DLG1: variants seen among roughly 807,000 people sequenced by gnomAD.
The protein encoded by DLG1 is discs large MAGUK scaffold protein 1, also known as disks large homolog 1.
DLG1 carries 42 observed loss-of-function variants against 123.4 expected under a neutral mutation model. The observed-to-expected ratio is 0.34, with a 90% CI of 0.27 to 0.44. The LOEUF is 0.44. DLG1 is among the 20% of genes least tolerant of loss of function. The probability of loss-of-function intolerance (pLI) is 1.00; values close to 1 mark genes in which losing one functional copy is unlikely to be tolerated. For synonymous variants in DLG1, 317 were observed against 356.2 expected, an observed-to-expected ratio of 0.89 and a Z score of 1.24; for missense variants, 942 against 1,082.6, an observed-to-expected ratio of 0.87 and a Z score of 1.82.
At chr3:197,074,318 A>C (rs1745891225) in intron 18 of DLG1, among the ~76,000 whole-genome samples, 1 of 152,130 alleles carries the variant, frequency 6.6e-6, no homozygotes, top group South Asian at 2.1e-4. Flanking sequence ...CTTTTTCTGA[A>C]TAACGTCGTC....
intron 4 of DLG1, among the ~76,000 whole-genome samples, chr3:197,251,354 A>C (rs1754368550): frequency 1.3e-5 from 2 of 152,240 alleles, no homozygotes; most frequent in Non-Finnish European, 2.9e-5. Flanking sequence ...GGTCAAGGCA[A>C]AGAACAAAGC....
chr3:197,183,526 A>C, intron 5 of DLG1: 3 of 1,495,522 alleles, frequency 2.0e-6, no homozygotes, highest in Non-Finnish European at 2.7e-6. Flanking sequence ...TTACAGAGCA[A>C]ACGTAAACAG....
intron 13 of DLG1, among the ~76,000 whole-genome samples, chr3:197,113,158 T>C (rs567202950): frequency 9.8e-5 from 15 of 152,338 alleles, no homozygotes; most frequent in African/African-American, 2.9e-4. Context: ...CCCTTCTCTA[T>C]TGAACTGACT....
chr3:197,161,576 G>T, intron 5 of DLG1: 2 of 1,012,878 alleles, frequency 2.0e-6, no homozygotes, highest in Non-Finnish European at 2.7e-6. Flanking sequence ...TTTTAAAAAA[G>T]AACACAAATG....
intron 13 of DLG1, among the ~76,000 whole-genome samples, chr3:197,115,336 TAAG>T (rs1772621410): frequency 6.9e-6 from 1 of 145,450 alleles, no homozygotes; most frequent in African/African-American, 2.5e-5. Context: ...AAATTGAAAG[TAAG>T]AAGAGGAGAA....
intron 13 of DLG1, among the ~76,000 whole-genome samples, chr3:197,108,115 G>T (rs1767654364): frequency 6.6e-6 from 1 of 152,070 alleles, no homozygotes; most frequent in Admixed American, 6.6e-5. Flanking sequence ...ACTTTGATTG[G>T]TTTTTCTATG....
chr3:197,130,575 T>C lies in DLG1; in HGVS notation c.1117A>G (p.Thr373Ala), dbSNP rs777723301. Residue 373 changes from threonine to alanine, a missense_variant, in exon 11 of 25, where the codon ACA (threonine) becomes GCA (alanine). Thr to Ala is a moderately conservative substitution (Grantham distance 58, BLOSUM62 0). Transcript: ENST00000667157. ...DFVYLKVAKP[T>A]SMYMNDGYAP... The stretch of plus-strand genomic sequence containing the variant: ...TAGCCATCATTCATATACATACTTG[T>C]GGGTTTTGCCACTTTCAAATAAACA... 61 of 1,612,906 alleles carry C rather than the reference T, an allele frequency of 3.8e-5. No individual in the cohort carries two copies. The South Asian group carries it at 5.9e-4, about 16-fold the overall frequency.
chr3:197,144,532 C>G (rs1390839757), intron 6 of DLG1, among the ~76,000 whole-genome samples: 1 of 152,166 alleles, frequency 6.6e-6, no homozygotes, highest in Non-Finnish European at 1.5e-5. Context: ...TTTTAAGCCC[C>G]TAAGCTTCAG....
At chr3:197,158,133 A>G (rs914500198) in intron 5 of DLG1, among the ~76,000 whole-genome samples, 2 of 152,208 alleles carry the variant, frequency 1.3e-5, no homozygotes, top group African/African-American at 4.8e-5. Flanking sequence ...AGGAACTCAT[A>G]CAGACATTTT....
rs1211235082 is a variant in DLG1 at position 197,210,031 on chromosome 3, T to C, written c.319-15442A>G. The stretch of plus-strand genomic sequence containing the variant: ...GGACTTTTATCTCTCCCATGGCTGA[T>C]TTTAATCTGTATCCTTTCAAGTAAT... On this transcript the variant is annotated intron_variant, in intron 4 of 24. Coordinates refer to ENST00000667157, the MANE Select transcript of DLG1 (RefSeq NM_001366207.1). 2.0e-5 allele frequency among the ~76,000 whole-genome samples: 3 copies of C among 146,530 alleles called. 1 individual carries two copies. In the East Asian group the frequency reaches 5.9e-4, roughly 29 times the overall value.
intron 14 of DLG1, 28 bp from the exon 15 acceptor site, chr3:197,091,054 G>T: frequency 6.9e-7 from 1 of 1,441,992 alleles, no homozygotes; most frequent in Non-Finnish European, 9.7e-7. Flanking sequence ...GAAATAAATT[G>T]ATATATTTTC....
At chr3:197,164,321 T>C (rs1301154006) in intron 5 of DLG1, among the ~76,000 whole-genome samples, 2 of 151,852 alleles carry the variant, frequency 1.3e-5, no homozygotes, top group African/African-American at 4.8e-5. Context: ...TGCTAGAGCC[T>C]GGAAGGTGGA....
At chr3:197,048,945 C>A (rs117599065) in intron 24 of DLG1, among the ~76,000 whole-genome samples, 1 of 152,220 alleles carries the variant, frequency 6.6e-6, no homozygotes, top group Non-Finnish European at 1.5e-5. Context: ...GCATGAACCA[C>A]TGTGCCCAGC....
At chr3:197,194,266 AC>A (rs1449295041) in intron 5 of DLG1, 158 bp downstream of exon 5, 5 of 397,640 alleles carry the variant, frequency 1.3e-5, no homozygotes, top group African/African-American at 2.1e-5. Context: ...TTTCTGGAGT[AC>A]TAATAAGCAC....
In DLG1 at chr3:197,275,389, C is replaced by A. The variant is rs539822067; in HGVS notation, c.318+7290G>T. ...ACCATTTAATCCAGCACTCTCACTG[C>A]GAGGTATACACCCAAAAGAAAACAA... On this transcript the variant is annotated intron_variant, in intron 4 of 24. Coordinates refer to ENST00000667157, the MANE Select transcript of DLG1 (RefSeq NM_001366207.1). 4.7e-4 allele frequency among the ~76,000 whole-genome samples: 72 copies of A among 152,158 alleles called. 1 individual carries two copies. In the South Asian group the frequency reaches 0.015, roughly 31 times the overall value.
intron 24 of DLG1, among the ~76,000 whole-genome samples, chr3:197,048,209 G>A (rs758991103): frequency 6.6e-6 from 1 of 152,142 alleles, no homozygotes; most frequent in Admixed American, 6.5e-5. Context: ...AGTGGCTCAC[G>A]CCTGCCATCC....
At chr3:197,122,786 A>AT (rs1777126564) in intron 11 of DLG1, among the ~76,000 whole-genome samples, 1 of 152,154 alleles carries the variant, frequency 6.6e-6, no homozygotes, top group East Asian at 1.9e-4. Context: ...AAGAAGAGAT[A>AT]TTCATATTAA....
intron 5 of DLG1, among the ~76,000 whole-genome samples, chr3:197,190,023 C>G (rs1002987330): frequency 5.9e-5 from 9 of 151,934 alleles, no homozygotes; most frequent in Non-Finnish European, 1.2e-4. Flanking sequence ...TTATCATTGT[C>G]AGAATAAACA....
At position 197,090,494 on chromosome 3, in the gene DLG1, T is replaced by C. The variant is rs917415265; in HGVS notation, c.1661+418A>G. On this transcript the variant is annotated intron_variant, in intron 15 of 24. Coordinates refer to ENST00000667157, the MANE Select transcript of DLG1 (RefSeq NM_001366207.1). ...CCGAGGCTATTCACATTTTAAATTATTATTTACATATGCCTCCTTTGCTAC... is the reference window on the plus strand; with the variant it reads ...CCGAGGCTATTCACATTTTAAATTACTATTTACATATGCCTCCTTTGCTAC... 4.6e-5 allele frequency among the ~76,000 whole-genome samples: 7 copies of C among 152,106 alleles called. No homozygotes were observed. In the East Asian group the frequency reaches 1.3e-3, roughly 29 times the overall value.
Sources: gnomAD v4.1 joint callset for allele counts (sites outside exome capture counted in the v4.1 genomes callset) on GRCh38, gnomAD v4.1.1 for gene constraint, MANE v1.5 for transcripts, NCBI Gene and HGNC (gene_info 2026-07-23, HGNC 2026-07-21) for gene names.